TMCC1: variants seen among roughly 807,000 people sequenced by gnomAD.
TMCC1 encodes transmembrane and coiled-coil domains protein 1.
Under a neutral mutation model 52.4 loss-of-function variants are expected in TMCC1, and 15 were observed. The observed-to-expected ratio is 0.29, with a 90% CI of 0.19 to 0.44. TMCC1 has a LOEUF of 0.44. TMCC1 is among the 20% of genes least tolerant of loss of function. TMCC1 has a pLI of 1.00. For missense variants in TMCC1, 503 were observed against 806.0 expected (o/e 0.62, Z 4.55); for synonymous variants, 279 against 301.9 (o/e 0.92, Z 0.79).
chr3:129,727,429 G>T (rs920886049), intron 4 of TMCC1, among the ~76,000 whole-genome samples: 1 of 152,126 alleles, frequency 6.6e-6, no homozygotes, highest in Non-Finnish European at 1.5e-5. Context: ...GGTACACAAA[G>T]AATGAAGTTG....
intron 4 of TMCC1, among the ~76,000 whole-genome samples, chr3:129,759,709 A>ATTTTTTTTTTTTTTTTTTTT (rs1560350161): frequency 2.0e-5 from 2 of 98,370 alleles, no homozygotes; most frequent in African/African-American, 7.9e-5. Flanking sequence ...AGCCAGCCAA[A>ATTTTTTTTTTTTTTTTTTTT]CTTTTTTTTT....
intron 2 of TMCC1, among the ~76,000 whole-genome samples, chr3:129,864,435 A>G (rs1024945802): frequency 6.6e-6 from 1 of 152,224 alleles, no homozygotes; most frequent in South Asian, 2.1e-4. Context: ...AATAGTTTAT[A>G]TTATCCAAAT....
chr3:129,873,130 ATCTC>A (rs1159642424), intron 2 of TMCC1, among the ~76,000 whole-genome samples: 1 of 151,988 alleles, frequency 6.6e-6, no homozygotes, highest in African/African-American at 2.4e-5. Flanking sequence ...CAAACTCCTG[ATCTC>A]AGGTGATCCA....
intron 2 of TMCC1, among the ~76,000 whole-genome samples, chr3:129,834,842 C>T (rs763941182): frequency 1.3e-5 from 2 of 152,162 alleles, no homozygotes; most frequent in East Asian, 1.9e-4. Flanking sequence ...CAGCTGGAAA[C>T]GTATTACGAG....
chr3:129,769,821 G>A (rs1484412894), intron 4 of TMCC1, among the ~76,000 whole-genome samples: 1 of 152,144 alleles, frequency 6.6e-6, no homozygotes, highest in Admixed American at 6.6e-5. Flanking sequence ...GGGGACATAA[G>A]CTATACTGAT....
At chr3:129,722,039 T>C (rs1480948270) in intron 4 of TMCC1, among the ~76,000 whole-genome samples, 2 of 152,206 alleles carry the variant, frequency 1.3e-5, no homozygotes, top group East Asian at 3.8e-4. Context: ...ATTGTTTCAA[T>C]GAGAATATTT....
At chr3:129,861,215 C>T (rs546116431) in intron 2 of TMCC1, among the ~76,000 whole-genome samples, 90 of 152,056 alleles carry the variant, frequency 5.9e-4, no homozygotes, top group Non-Finnish European at 1.1e-3. Flanking sequence ...CCGAGGCGGG[C>T]GGATCATGAG....
At chr3:129,740,125 T>A (rs1243304381) in intron 4 of TMCC1, among the ~76,000 whole-genome samples, 1 of 152,220 alleles carries the variant, frequency 6.6e-6, no homozygotes, top group South Asian at 2.1e-4. Flanking sequence ...TCTGAAGACG[T>A]CCTAGTCTGC....
chr3:129,892,382 T>C (rs1173355725), intron 1 of TMCC1, among the ~76,000 whole-genome samples: 3 of 152,236 alleles, frequency 2.0e-5, no homozygotes, highest in African/African-American at 4.8e-5. Context: ...AGCATCGTTT[T>C]GTCACATGAC....
intron 2 of TMCC1, chr3:129,848,199 T>G (rs2059754579): frequency 1.3e-5 from 2 of 152,236 alleles, no homozygotes; most frequent in African/African-American, 4.8e-5. Context: ...CCTTTATACT[T>G]CATGCTTTTT....
At chr3:129,700,362 A>C (rs1180791021) in intron 4 of TMCC1, among the ~76,000 whole-genome samples, 1 of 152,256 alleles carries the variant, frequency 6.6e-6, no homozygotes, top group African/African-American at 2.4e-5. Flanking sequence ...CAGTAATACA[A>C]ACCTAATACT....
chr3:129,709,765 C>T (rs1482143589), intron 4 of TMCC1, among the ~76,000 whole-genome samples: 1 of 151,978 alleles, frequency 6.6e-6, no homozygotes, highest in East Asian at 1.9e-4. Flanking sequence ...CTGACACTCT[C>T]AAGTGGGAGG....
intron 4 of TMCC1, among the ~76,000 whole-genome samples, chr3:129,675,167 C>T (rs1001017283): frequency 2.6e-5 from 4 of 152,168 alleles, no homozygotes; most frequent in Non-Finnish European, 5.9e-5. Flanking sequence ...TCCAGATAGA[C>T]AATTAAATCC....
chr3:129,761,218 C>T (rs2053559922), intron 4 of TMCC1, among the ~76,000 whole-genome samples: 2 of 151,478 alleles, frequency 1.3e-5, no homozygotes, highest in Admixed American at 1.3e-4. Flanking sequence ...GTCCCAGCTA[C>T]TCGGGAGGGT....
rs1275791100 is a variant in TMCC1, at chr3:129,828,409, CA to C, written c.-32del. 2 of 1,585,676 alleles carry C rather than the reference CA, an allele frequency of 1.3e-6. No homozygotes were observed. Among genetic ancestry groups the C allele is most frequent in the Non-Finnish European group, 1.7e-6 (2 of 1,166,854 alleles). ...GACTTAATATGCTTATTTGCAAACT[CA>C]AAAAAATTTTTTAAACACACCAAGA... On this transcript the variant is annotated 5_prime_UTR_variant, in exon 4 of 7. Transcript: ENST00000393238. This position sits in a 1 kb window ranked among gnomAD's most constrained non-coding sequence, Gnocchi z 4.1.
intron 4 of TMCC1, among the ~76,000 whole-genome samples, chr3:129,680,801 T>C (rs1318094505): frequency 6.6e-6 from 1 of 151,740 alleles, no homozygotes; most frequent in Non-Finnish European, 1.5e-5. Flanking sequence ...CTTGGGAGAC[T>C]GAGGCATGAG....
In TMCC1 at chr3:129,670,313, A is replaced by C. The variant is rs1455384891; in HGVS notation, c.1511+17T>G. On this transcript the variant is annotated intron_variant, in intron 5 of 6. Coordinates refer to ENST00000393238, the MANE Select transcript of TMCC1 (RefSeq NM_001017395.5). Reference sequence around the variant, plus strand: ...CCCTACACAAATAATTTCAGATATTAATTCCATGTGACTTACCTATATCGC... The same window carrying C: ...CCCTACACAAATAATTTCAGATATTCATTCCATGTGACTTACCTATATCGC... The C allele has an allele frequency of 6.2e-7, 1 of 1,601,418 alleles. No homozygotes were observed. Among genetic ancestry groups the C allele is most frequent in the Non-Finnish European group, 8.5e-7 (1 of 1,173,564 alleles).
chr3:129,745,992 A>T (rs998913562), intron 4 of TMCC1, among the ~76,000 whole-genome samples: 1 of 151,430 alleles, frequency 6.6e-6, no homozygotes, highest in Non-Finnish European at 1.5e-5. Flanking sequence ...CCTGGCCTTA[A>T]GTGATCCTCC....
chr3:129,848,060 C>T (rs1378452371), intron 2 of TMCC1: 1 of 152,178 alleles, frequency 6.6e-6, no homozygotes, highest in Non-Finnish European at 1.5e-5. Flanking sequence ...AGATACACAT[C>T]CTCTGTCAGA....
Sources: allele counts gnomAD v4.1 joint callset (sites outside exome capture counted in the v4.1 genomes callset), GRCh38; gene constraint gnomAD v4.1.1; non-coding constraint Gnocchi (gnomAD v3.1); transcripts MANE v1.5; gene names NCBI Gene and HGNC (gene_info 2026-07-23, HGNC 2026-07-21).